EPHX2: variants seen among roughly 807,000 people sequenced by gnomAD.
EPHX2 encodes the protein epoxide hydrolase 2, also known as bifunctional epoxide hydrolase 2.
EPHX2 carries 74 observed loss-of-function variants against 78.7 expected under a neutral mutation model. That is an observed-to-expected ratio of 0.94 (90% confidence interval 0.78 to 1.14). The LOEUF (loss-of-function observed/expected upper bound fraction) is 1.14, where lower values mean the gene tolerates loss of function less well. Ranked by LOEUF, EPHX2 falls within the 50% of genes most tolerant of loss-of-function variation. The pLI is 0.00. For synonymous variants in EPHX2, 251 were observed against 255.2 expected (o/e 0.98, Z 0.16); for missense variants, 715 against 702.5 (o/e 1.02, Z -0.20).
intron 5 of EPHX2, among the ~76,000 whole-genome samples, chr8:27,509,920 G>A (rs1398309550): frequency 1.3e-5 from 2 of 152,158 alleles, no homozygotes; most frequent in Non-Finnish European, 2.9e-5. Flanking sequence ...ATCCCCTGGT[G>A]TATGACCTAG....
intron 7 of EPHX2, 80 bp downstream of exon 7, chr8:27,515,893 T>A: frequency 8.1e-7 from 1 of 1,241,048 alleles, no homozygotes; most frequent in Non-Finnish European, 1.2e-6. Flanking sequence ...TGGACTGTCG[T>A]GAGGAAGCTG....
At position 27,543,745 on chromosome 8, in the gene EPHX2, C is replaced by A. The variant is rs745701010; in HGVS notation, c.1450-4C>A. ...GCCACTTCTGTTTCCTGTTCTCCCC[C>A]CAGATCCTGATTCCGGCCCTGATGG... On this transcript the variant is annotated splice_polypyrimidine_tract_variant and splice_region_variant and intron_variant, in intron 16 of 18. Transcript: ENST00000521400. 76 of 1,613,812 alleles carry A rather than the reference C, an allele frequency of 4.7e-5. No homozygotes were observed. Among genetic ancestry groups the A allele is most frequent in the Middle Eastern group, 3.3e-4 (2 of 6,084 alleles).
chr8:27,541,197 G>T (rs1377480421), intron 15 of EPHX2, among the ~76,000 whole-genome samples: 2 of 152,144 alleles, frequency 1.3e-5, no homozygotes, highest in Non-Finnish European at 2.9e-5. Flanking sequence ...TTCCCTGGAG[G>T]GTCCTGTAGG....
chr8:27,495,305 G>T (rs1311666244), intron 1 of EPHX2, among the ~76,000 whole-genome samples: 1 of 152,214 alleles, frequency 6.6e-6, no homozygotes, highest in Non-Finnish European at 1.5e-5. Context: ...ACTGGGTGCA[G>T]GTCCCTGGGG....
intron 1 of EPHX2, among the ~76,000 whole-genome samples, chr8:27,499,737 A>T (rs1813696789): frequency 6.6e-6 from 1 of 152,216 alleles, no homozygotes; most frequent in African/African-American, 2.4e-5. Flanking sequence ...GATGGCAACA[A>T]TGGAAATGTT....
rs1287707175 is a variant in EPHX2 at position 27,544,847 on chromosome 8, A to G, written c.*325A>G. On this transcript the variant is annotated 3_prime_UTR_variant, in exon 19 of 19. Transcript: ENST00000521400. Reference sequence around the variant, plus strand: ...TTGACCAATGCATAGTTTGGCAGAAAAATCAGCCGTTCATTTAGAAGAATC... The same window carrying G: ...TTGACCAATGCATAGTTTGGCAGAAGAATCAGCCGTTCATTTAGAAGAATC... 9.3e-6 allele frequency: 3 copies of G among 323,224 alleles called. No individual in the cohort carries two copies. The highest frequency in any genetic ancestry group is 6.4e-5 in the African/African-American group (3 of 47,156). The allele number at this position is 323,224 out of a possible 1,614,324, so 20.0% of individuals were successfully genotyped here. A position where few individuals can be genotyped will look rare whatever the true frequency, so the allele number is the denominator to read the frequency against.
At chr8:27,521,643 A>G (rs1814651359) in intron 10 of EPHX2, among the ~76,000 whole-genome samples, 1 of 152,220 alleles carries the variant, frequency 6.6e-6, no homozygotes, top group African/African-American at 2.4e-5. Context: ...GCAGATTCTC[A>G]GTTTCCTGGG....
In EPHX2 at chr8:27,543,764, C is replaced by G. The variant is rs372981443; in HGVS notation, c.1465C>G (p.Leu489Val). The G allele has an allele frequency of 1.9e-6, 3 of 1,614,090 alleles. No homozygotes were observed. Among genetic ancestry groups the G allele is most frequent in the South Asian group, 2.2e-5 (2 of 91,076 alleles). The change falls in exon 17 of 19, where the codon CTG (leucine) becomes GTG (valine). Residue 489 changes from leucine (L) to valine (V), a missense_variant. Leu to Val is a conservative substitution (Grantham distance 32). Coordinates refer to ENST00000521400, the MANE Select transcript of EPHX2 (RefSeq NM_001979.6). Reference protein sequence around the residue: ...SLGRKILIPALMVTAEKDFVL... With the variant: ...SLGRKILIPAVMVTAEKDFVL... The stretch of plus-strand genomic sequence containing the variant: ...CTCCCCCCAGATCCTGATTCCGGCC[C>G]TGATGGTCACGGCGGAGAAGGACTT...
intron 5 of EPHX2, among the ~76,000 whole-genome samples, chr8:27,511,116 G>T (rs1011408829): frequency 6.6e-6 from 1 of 152,198 alleles, no homozygotes; most frequent in African/African-American, 2.4e-5. Flanking sequence ...TGGACTTCCA[G>T]CCTCCAGAAC....
intron 12 of EPHX2, among the ~76,000 whole-genome samples, chr8:27,529,307 AT>A (rs2132774055): frequency 6.6e-6 from 1 of 152,366 alleles, no homozygotes; most frequent in African/African-American, 2.4e-5. Flanking sequence ...GTGAGAAAGC[AT>A]GAAGACTAGG....
At chr8:27,513,726 A>G (rs1047976840) in intron 6 of EPHX2, among the ~76,000 whole-genome samples, 23 of 152,210 alleles carry the variant, frequency 1.5e-4, no homozygotes, top group African/African-American at 4.3e-4. Flanking sequence ...AGCTGAGTCA[A>G]TATGAAGCTG....
intron 1 of EPHX2, among the ~76,000 whole-genome samples, chr8:27,493,464 T>C (rs34476881): frequency 0.053 from 8,015 of 152,288 alleles, 299 homozygotes; most frequent in Non-Finnish European, 0.089. Flanking sequence ...ATAGATTTAT[T>C]TATTGCAAAC....
At chr8:27,541,393 C>T (rs1457218419) in intron 15 of EPHX2, 80 bp from the exon 16 acceptor site, 4 of 1,421,100 alleles carry the variant, frequency 2.8e-6, no homozygotes, top group Non-Finnish European at 4.0e-6. Flanking sequence ...ACTGGCTGTG[C>T]AGAGCAGGTT....
At chr8:27,540,181 G>T (rs1381074942) in intron 14 of EPHX2, among the ~76,000 whole-genome samples, 3 of 152,148 alleles carry the variant, frequency 2.0e-5, no homozygotes, top group Admixed American at 1.3e-4. Flanking sequence ...TCTCCAAAGG[G>T]CCACAGTTAA....
At chr8:27,498,463 C>T (rs184289248) in intron 1 of EPHX2, among the ~76,000 whole-genome samples, 60 of 151,812 alleles carry the variant, frequency 4.0e-4, no homozygotes, top group South Asian at 4.2e-4. Context: ...TCAGTGGTAT[C>T]TTCTTCCTGT....
At chr8:27,541,382 G>A (rs1563364534) in intron 15 of EPHX2, 91 bp from the exon 16 acceptor site, 9 of 1,356,724 alleles carry the variant, frequency 6.6e-6, no homozygotes, top group East Asian at 2.3e-5. Flanking sequence ...TTCCCAGGAC[G>A]ACTGGCTGTG....
In EPHX2 at chr8:27,517,967, A is replaced by G. The variant is rs145198899; in HGVS notation, c.911-71A>G. 9.2e-5 allele frequency: 116 copies of G among 1,259,500 alleles called. No homozygotes were observed. In the African/African-American group the frequency reaches 1.5e-3, roughly 17 times the overall value. 78.0% of individuals were successfully genotyped at this position (1,259,500 alleles called of 1,614,324 possible). On this transcript the variant is annotated intron_variant, in intron 8 of 18. Coordinates refer to ENST00000521400, the MANE Select transcript of EPHX2 (RefSeq NM_001979.6). Reference sequence around the variant, plus strand: ...TTGGTTTTTGGTTTTCTTTGCAAAAAGGTCCTTTTGATGTGTTGATATATT... The same window carrying G: ...TTGGTTTTTGGTTTTCTTTGCAAAAGGGTCCTTTTGATGTGTTGATATATT...
chr8:27,504,081 G>A (rs1813904700), intron 3 of EPHX2, among the ~76,000 whole-genome samples: 1 of 152,172 alleles, frequency 6.6e-6, no homozygotes, highest in Non-Finnish European at 1.5e-5. Flanking sequence ...TAAGAAACAA[G>A]GCCTTTTTAG....
In EPHX2 at chr8:27,515,638, G is replaced by C. The variant is rs564947280; in HGVS notation, c.736-80G>C. The C allele has an allele frequency of 5.9e-6, 7 of 1,183,362 alleles. No homozygotes were observed. In the Admixed American group the frequency reaches 1.3e-4, roughly 23 times the overall value. The allele number at this position is 1,183,362 out of a possible 1,614,324, so 73.3% of individuals were successfully genotyped here. On this transcript the variant is annotated intron_variant, in intron 6 of 18. Transcript: ENST00000521400. ...TCCAGCAACGGACTGAAACGGCCCT[G>C]GCATTCTGCAGACGCTGTGGGGCCT...
Sources: allele counts gnomAD v4.1 joint callset (sites outside exome capture counted in the v4.1 genomes callset), GRCh38; gene constraint gnomAD v4.1.1; transcripts MANE v1.5; gene names NCBI Gene and HGNC (gene_info 2026-07-23, HGNC 2026-07-21).